The following TMEM222 variants were observed in gnomAD, a reference collection of about 807,000 sequenced individuals.
TMEM222 encodes the protein chromosome 1 open reading frame 160.
In TMEM222, 18 loss-of-function variants were observed where a neutral mutation model predicts 25.1. The observed-to-expected ratio is 0.72, with a 90% confidence interval of 0.50 to 1.06. The LOEUF is 1.06. Ranked by LOEUF, TMEM222 falls within the 50% of genes least tolerant of loss-of-function variation. TMEM222 has a pLI of 0.00. For synonymous variants in TMEM222, 131 were observed against 117.9 expected, an observed-to-expected ratio of 1.11 and a Z score of -0.72; for missense variants, 296 against 293.7, an observed-to-expected ratio of 1.01 and a Z score of -0.06.
intron 3 of TMEM222, chr1:27,332,925 A>G: frequency 3.5e-6 from 1 of 287,580 alleles, no homozygotes; most frequent in Admixed American, 4.5e-5. Flanking sequence ...TGGTCTCTAG[A>G]CTCCTCCACC....
chr1:27,326,109 G>C (rs1162829148), intron 1 of TMEM222, among the ~76,000 whole-genome samples: 1 of 152,178 alleles, frequency 6.6e-6, no homozygotes, highest in East Asian at 1.9e-4. Flanking sequence ...TGGAAGACAA[G>C]TGCGACTTGG....
intron 1 of TMEM222, among the ~76,000 whole-genome samples, chr1:27,329,346 G>T (rs532811840): frequency 1.3e-5 from 2 of 152,150 alleles, no homozygotes; most frequent in South Asian, 4.1e-4. Flanking sequence ...AGAAAGCAAT[G>T]CTAAGACCCA....
intron 2 of TMEM222, 122 bp from the exon 3 acceptor site, chr1:27,331,948 T>A: frequency 5.8e-6 from 4 of 688,974 alleles, no homozygotes; most frequent in South Asian, 1.5e-5. Context: ...CAGGCCCCAC[T>A]TCTGGCCCCC....
At chr1:27,335,265 GGGTTTTCCT>G in intron 5 of TMEM222, 105 bp from the exon 6 acceptor site, 5 of 1,009,384 alleles carry the variant, frequency 5.0e-6, no homozygotes, top group Non-Finnish European at 5.9e-6. Context: ...GGGGGTGGTT[GGGTTTTCCT>G]TAGGGATGGC....
rs748470964 is a variant in TMEM222, at chr1:27,334,219, C to T, written c.477C>T (p.Asn159=). The change falls in exon 5 of 6, where the codon AAC becomes AAT. Residue 159 remains asparagine, a synonymous_variant. Coordinates refer to ENST00000374076, the MANE Select transcript of TMEM222 (RefSeq NM_032125.3). ...CCCTGAATCTGATGCGCTACAACAA[C>T]AGCACCAACTGGAATATGGTGACGC... is the stretch of plus-strand genomic sequence containing the variant. ...ALALNLMRYN[N]STNWNMVTLC... is the part of the protein sequence containing the mutation. 6.2e-6 allele frequency: 10 copies of T among 1,614,104 alleles called. No individual in the cohort carries two copies. The African/African-American group carries it at 9.3e-5, about 15-fold the overall frequency.
At position 27,333,955 on chromosome 1, in the gene TMEM222, C is replaced by A; in HGVS notation, c.312-3C>A. The A allele has an allele frequency of 6.2e-7, 1 of 1,613,394 alleles. No individual in the cohort carries two copies. Among genetic ancestry groups the A allele is most frequent in the African/African-American group, 1.3e-5 (1 of 75,042 alleles). On this transcript the variant is annotated splice_polypyrimidine_tract_variant and splice_region_variant and intron_variant, in intron 3 of 5. Transcript: ENST00000374076. ...AGTGTCCAGAGCCCTTCTCTCCCCC[C>A]AGGTACTGGAAGTTGGACCCTGCTC...
rs536914794 is a variant in TMEM222 at position 27,323,534 on chromosome 1, C to T, written c.194+1143C>T. Among the ~76,000 whole-genome samples, 8 of 152,180 alleles carry T rather than the reference C, an allele frequency of 5.3e-5. 1 individual carries two copies. Among genetic ancestry groups the T allele is most frequent in the Non-Finnish European group, 1.2e-4 (8 of 68,036 alleles). Reference sequence around the variant, plus strand: ...GTGGCTCATGCCTGTAATCCCAGCACTCTGGGAGGCAGTGGAGGGTGGATC... The same window carrying T: ...GTGGCTCATGCCTGTAATCCCAGCATTCTGGGAGGCAGTGGAGGGTGGATC... On this transcript the variant is annotated intron_variant, in intron 1 of 5. Transcript: ENST00000374076.
intron 1 of TMEM222, among the ~76,000 whole-genome samples, chr1:27,329,471 G>A (rs889989492): frequency 6.6e-6 from 1 of 152,118 alleles, no homozygotes; most frequent in African/African-American, 2.4e-5. Flanking sequence ...AGAGTGCTAT[G>A]TTACGTACTC....
At chr1:27,330,053 G>A (rs1385525044) in intron 1 of TMEM222, among the ~76,000 whole-genome samples, 3 of 146,514 alleles carry the variant, frequency 2.0e-5, no homozygotes, top group African/African-American at 7.6e-5. Context: ...AGTGAGCTGA[G>A]ATTGTGCCAC....
chr1:27,328,670 C>A (rs1036945342), intron 1 of TMEM222, among the ~76,000 whole-genome samples: 3 of 152,238 alleles, frequency 2.0e-5, no homozygotes, highest in Admixed American at 6.5e-5. Context: ...GCCTCTCCCC[C>A]TTTCGTTCTT....
At chr1:27,323,320 C>G (rs916499067) in intron 1 of TMEM222, among the ~76,000 whole-genome samples, 5 of 152,154 alleles carry the variant, frequency 3.3e-5, no homozygotes, top group African/African-American at 4.8e-5. Flanking sequence ...ATAGCTTGTT[C>G]CGCTATCAAT....
intron 2 of TMEM222, among the ~76,000 whole-genome samples, chr1:27,331,426 T>A (rs1348914523): frequency 6.6e-6 from 1 of 152,236 alleles, no homozygotes; most frequent in Non-Finnish European, 1.5e-5. Context: ...TTAAAAATAC[T>A]TTCACATCCA....
intron 1 of TMEM222, among the ~76,000 whole-genome samples, chr1:27,326,126 T>C (rs929617757): frequency 1.3e-5 from 2 of 152,226 alleles, no homozygotes; most frequent in African/African-American, 4.8e-5. Flanking sequence ...TTGGTGAGTC[T>C]GCATGGCCAG....
At chr1:27,332,261 T>C in intron 3 of TMEM222, 160 bp downstream of exon 3, 1 of 803,330 alleles carries the variant, frequency 1.2e-6, no homozygotes, top group Non-Finnish European at 2.1e-6. Flanking sequence ...GGCAACCCCA[T>C]ACAGAGTGTG....
intron 1 of TMEM222, chr1:27,325,476 G>A: frequency 7.0e-7 from 1 of 1,436,292 alleles, no homozygotes; most frequent in Non-Finnish European, 9.8e-7. Context: ...CCTGGGTATG[G>A]AATCTTGCGG....
intron 2 of TMEM222, chr1:27,331,108 C>G (rs2014468456): frequency 3.2e-6 from 4 of 1,261,732 alleles, no homozygotes; most frequent in Non-Finnish European, 4.1e-6. Context: ...GTCAGACCAT[C>G]CAGGAACCAC....
intron 1 of TMEM222, among the ~76,000 whole-genome samples, chr1:27,325,008 A>G (rs1412828144): frequency 6.6e-6 from 1 of 152,144 alleles, no homozygotes; most frequent in African/African-American, 2.4e-5. Flanking sequence ...AAACCATGTC[A>G]CCTTCAAAGG....
chr1:27,333,953 C>A lies in TMEM222; in HGVS notation c.312-5C>A, dbSNP rs199641524. On this transcript the variant is annotated splice_polypyrimidine_tract_variant and splice_region_variant and intron_variant, in intron 3 of 5. Coordinates refer to ENST00000374076, the MANE Select transcript of TMEM222 (RefSeq NM_032125.3). Reference sequence around the variant, plus strand: ...CAAGTGTCCAGAGCCCTTCTCTCCCCCCAGGTACTGGAAGTTGGACCCTGC... The same window carrying A: ...CAAGTGTCCAGAGCCCTTCTCTCCCACCAGGTACTGGAAGTTGGACCCTGC... The A allele has an allele frequency of 3.1e-5, 50 of 1,613,352 alleles. No homozygotes were observed. The African/African-American group carries it at 5.2e-4, about 17-fold the overall frequency.
intron 1 of TMEM222, among the ~76,000 whole-genome samples, chr1:27,324,101 G>A (rs1212540597): frequency 2.0e-5 from 3 of 152,210 alleles, no homozygotes; most frequent in African/African-American, 7.2e-5. Context: ...CCAGGCGGGC[G>A]AATCACCTGA....
Sources: allele counts gnomAD v4.1 joint callset (sites outside exome capture counted in the v4.1 genomes callset), GRCh38; gene constraint gnomAD v4.1.1; transcripts MANE v1.5; gene names NCBI Gene and HGNC (gene_info 2026-07-23, HGNC 2026-07-21).